PDE4D: variants seen among roughly 807,000 people sequenced by gnomAD.
PDE4D encodes the protein 3',5'-cyclic-AMP phosphodiesterase 4D.
Under a neutral mutation model 87.4 loss-of-function variants are expected in PDE4D, and 24 were observed. That is an observed-to-expected ratio of 0.27 (90% confidence interval 0.20 to 0.39). The LOEUF is 0.39. Ranked by LOEUF, PDE4D falls within the 10% of genes least tolerant of loss-of-function variation. The probability of loss-of-function intolerance (pLI) is 1.00; values close to 1 mark genes in which losing one functional copy is unlikely to be tolerated. For missense variants in PDE4D, 714 were observed against 1,041.0 expected (o/e 0.69, Z 4.32); for synonymous variants, 384 against 383.2 (o/e 1.00, Z -0.02).
At chr5:59,189,260 T>A (rs867708656) in intron 3 of PDE4D, among the ~76,000 whole-genome samples, 2 of 144,258 alleles carry the variant, frequency 1.4e-5, no homozygotes, top group African/African-American at 5.2e-5. Flanking sequence ...TTTGTTTTTT[T>A]TTTTTTGAGA....
At chr5:60,274,761 A>G (rs903910285) in intron 1 of PDE4D, among the ~76,000 whole-genome samples, 1 of 152,242 alleles carries the variant, frequency 6.6e-6, no homozygotes, top group Non-Finnish European at 1.5e-5. Context: ...TGCTTGGGCT[A>G]TTGGCAGTGT....
chr5:60,429,648 A>G (rs1345086190), intron 1 of PDE4D, among the ~76,000 whole-genome samples: 2 of 152,054 alleles, frequency 1.3e-5, no homozygotes, highest in African/African-American at 4.8e-5. Context: ...TTCAATGCCT[A>G]GTTTTTTGAA....
At chr5:60,224,758 T>C (rs1583134247) in intron 1 of PDE4D, among the ~76,000 whole-genome samples, 1 of 152,218 alleles carries the variant, frequency 6.6e-6, no homozygotes, top group South Asian at 2.1e-4. Flanking sequence ...TATTCATCAA[T>C]TAAGCCACCA....
At chr5:59,330,276 A>C (rs544429035) in intron 1 of PDE4D, among the ~76,000 whole-genome samples, 1 of 152,324 alleles carries the variant, frequency 6.6e-6, no homozygotes, top group South Asian at 2.1e-4. Flanking sequence ...CATTTAAGCA[A>C]AACCTGGTAC....
chr5:59,181,571 T>TATATATATATATATATATA (rs1554090340), intron 4 of PDE4D, among the ~76,000 whole-genome samples: 1 of 133,594 alleles, frequency 7.5e-6, no homozygotes, highest in African/African-American at 2.9e-5. Flanking sequence ...TATATATATA[T>TATATATATATATATATATA]TAGGTATATA....
At chr5:60,410,409 A>G (rs1393123539) in intron 1 of PDE4D, among the ~76,000 whole-genome samples, 1 of 152,176 alleles carries the variant, frequency 6.6e-6, no homozygotes, top group Non-Finnish European at 1.5e-5. Flanking sequence ...GAGATCTGAA[A>G]GTCTGAGCAC....
intron 1 of PDE4D, among the ~76,000 whole-genome samples, chr5:60,337,916 A>T (rs80282616): frequency 0.026 from 4,030 of 152,148 alleles, 153 homozygotes; most frequent in African/African-American, 0.093. Flanking sequence ...AAACAGAAAC[A>T]AATAATAATA....
intron 1 of PDE4D, among the ~76,000 whole-genome samples, chr5:59,503,447 T>A (rs945055567): frequency 6.6e-6 from 1 of 152,168 alleles, no homozygotes; most frequent in Non-Finnish European, 1.5e-5. Context: ...GGTGATGCTG[T>A]TTGCCCAGGG....
chr5:59,217,363 T>A (rs1334133093), intron 1 of PDE4D: 2 of 439,004 alleles, frequency 4.6e-6, no homozygotes, highest in African/African-American at 2.0e-5. Context: ...TTTTAAAACA[T>A]TCCTTTATTT....
intron 1 of PDE4D, among the ~76,000 whole-genome samples, chr5:59,548,622 T>G (rs976163603): frequency 7.9e-5 from 12 of 152,096 alleles, no homozygotes; most frequent in African/African-American, 2.9e-4. Context: ...AATGCAGGAA[T>G]GAGGATACAG....
intron 2 of PDE4D, among the ~76,000 whole-genome samples, chr5:60,111,109 T>C (rs1267297869): frequency 2.0e-5 from 3 of 151,952 alleles, no homozygotes; most frequent in Non-Finnish European, 2.9e-5. Flanking sequence ...TGGGTAAACA[T>C]GGTTAGCTAT....
chr5:59,709,375 G>C (rs983835387), intron 1 of PDE4D, among the ~76,000 whole-genome samples: 3 of 152,228 alleles, frequency 2.0e-5, no homozygotes, highest in Admixed American at 2.0e-4. Context: ...TGATTCCTGG[G>C]TGGTTTCACT....
At chr5:59,327,132 TAC>T (rs3061651) in intron 1 of PDE4D, among the ~76,000 whole-genome samples, 9,721 of 141,720 alleles carry the variant, frequency 0.069, 527 homozygotes, top group African/African-American at 0.15. Flanking sequence ...GAAACAGAAA[TAC>T]ACACACACAC....
intron 1 of PDE4D, among the ~76,000 whole-genome samples, chr5:60,315,452 T>A (rs1755477546): frequency 6.6e-6 from 1 of 152,210 alleles, no homozygotes; most frequent in South Asian, 2.1e-4. Flanking sequence ...TTGACTCTGA[T>A]GGTAGTTTCT....
intron 1 of PDE4D, among the ~76,000 whole-genome samples, chr5:59,529,514 C>A (rs552519211): frequency 1.3e-5 from 2 of 152,198 alleles, no homozygotes; most frequent in East Asian, 1.9e-4. Context: ...AAGCATTGAC[C>A]TTTGAAGAGT....
At chr5:59,707,730 T>C (rs1561514361) in intron 1 of PDE4D, among the ~76,000 whole-genome samples, 1 of 152,070 alleles carries the variant, frequency 6.6e-6, no homozygotes, top group Non-Finnish European at 1.5e-5. Flanking sequence ...GTGATCTCAT[T>C]GTTCAGCTCC....
chr5:59,151,229 G>A (rs548435568), intron 5 of PDE4D, among the ~76,000 whole-genome samples: 1 of 152,240 alleles, frequency 6.6e-6, no homozygotes, highest in African/African-American at 2.4e-5. Flanking sequence ...CAGTAGCTTG[G>A]GAATCTGGAA....
At chr5:59,495,251 C>T (rs1806953885) in intron 1 of PDE4D, among the ~76,000 whole-genome samples, 2 of 152,226 alleles carry the variant, frequency 1.3e-5, no homozygotes, top group Admixed American at 6.5e-5. Flanking sequence ...TCCCCACTTG[C>T]ATGCTTCTCT....
chr5:60,220,934 C>T (rs1019659626), intron 1 of PDE4D, among the ~76,000 whole-genome samples: 1 of 152,074 alleles, frequency 6.6e-6, no homozygotes, highest in South Asian at 2.1e-4. Context: ...TGATCTAGAA[C>T]GTTTTGGAAA....
Sources: allele counts gnomAD v4.1 joint callset (sites outside exome capture counted in the v4.1 genomes callset), GRCh38; gene constraint gnomAD v4.1.1; transcripts MANE v1.5; gene names NCBI Gene and HGNC (gene_info 2026-07-23, HGNC 2026-07-21).